CCDC180: variants seen among roughly 807,000 people sequenced by gnomAD.
CCDC180 encodes coiled-coil domain containing 180, also known as coiled-coil domain-containing protein 180.
Under a neutral mutation model 209.2 loss-of-function variants are expected in CCDC180, and 154 were observed. The ratio of observed to expected loss-of-function variants is 0.74; its 90% confidence interval spans 0.65 to 0.84. CCDC180 has a LOEUF of 0.84. Ranked by LOEUF, CCDC180 falls within the 40% of genes least tolerant of loss-of-function variation. The probability of loss-of-function intolerance (pLI) is 0.00; values close to 1 mark genes in which losing one functional copy is unlikely to be tolerated. For missense variants in CCDC180, 1,874 were observed against 1,997.3 expected (o/e 0.94, Z 1.18); for synonymous variants, 778 against 749.1 (o/e 1.04, Z -0.63).
Position 97,366,787 on chromosome 9 carries a change from C to A in CCDC180, c.4189+87C>A. 1 of 1,449,252 alleles carries A rather than the reference C, an allele frequency of 6.9e-7. No individual in the cohort carries two copies. Among genetic ancestry groups the A allele is most frequent in the Admixed American group, 2.3e-5 (1 of 43,138 alleles). The allele number at this position is 1,449,252 out of a possible 1,614,324, so 89.8% of individuals were successfully genotyped here. A position where few individuals can be genotyped will look rare whatever the true frequency, so the allele number is the denominator to read the frequency against. On this transcript the variant is annotated intron_variant, in intron 31 of 36. Coordinates refer to ENST00000529487, the MANE Select transcript of CCDC180 (RefSeq NM_020893.6). This position sits in a 1 kb window ranked among gnomAD's most constrained non-coding sequence, Gnocchi z 4.3. Reference sequence around the variant, plus strand: ...TCGGCCTTGGCCTTGTGGCCTGGATCCTCCCCTCTGGGGGAGGCAGAAGAG... The same window carrying A: ...TCGGCCTTGGCCTTGTGGCCTGGATACTCCCCTCTGGGGGAGGCAGAAGAG...
intron 18 of CCDC180, among the ~76,000 whole-genome samples, chr9:97,342,761 C>T (rs947435702): frequency 2.0e-5 from 3 of 152,210 alleles, no homozygotes; most frequent in Non-Finnish European, 4.4e-5. Flanking sequence ...CTGTTTATTT[C>T]TTCTCTTTTC....
intron 18 of CCDC180, among the ~76,000 whole-genome samples, chr9:97,336,680 T>C (rs1825913086): frequency 6.9e-6 from 1 of 145,268 alleles, no homozygotes; most frequent in Non-Finnish European, 1.5e-5. Context: ...TTTAAAGTAG[T>C]TTTTTCCAAT....
intron 9 of CCDC180, among the ~76,000 whole-genome samples, chr9:97,317,703 C>G (rs1296376722): frequency 1.3e-5 from 2 of 152,164 alleles, no homozygotes; most frequent in African/African-American, 4.8e-5. Flanking sequence ...GAAGAGAGGT[C>G]CCTTGTCCAT....
In CCDC180 at chr9:97,377,000, C is replaced by T. The variant is rs1168296380; in HGVS notation, c.*106C>T. Reference sequence around the variant, plus strand: ...ATCCCTCCCTCCCTTCATCCCTCCACCCCTGCTCTGTGCCGGGCACTGTAG... The same window carrying T: ...ATCCCTCCCTCCCTTCATCCCTCCATCCCTGCTCTGTGCCGGGCACTGTAG... On this transcript the variant is annotated 3_prime_UTR_variant, in exon 37 of 37. Coordinates refer to ENST00000529487, the MANE Select transcript of CCDC180 (RefSeq NM_020893.6). 3.6e-5 allele frequency: 48 copies of T among 1,335,328 alleles called. No individual in the cohort carries two copies. The highest frequency in any genetic ancestry group is 4.6e-5 in the Non-Finnish European group (45 of 981,294). 82.7% of individuals were successfully genotyped at this position (1,335,328 alleles called of 1,614,324 possible). A position where few individuals can be genotyped will look rare whatever the true frequency, so the allele number is the denominator to read the frequency against.
At position 97,366,568 on chromosome 9, in the gene CCDC180, C is replaced by A. The variant is rs145284892; in HGVS notation, c.4057C>A (p.Arg1353Ser). Residue 1353 changes from arginine (R) to serine (S), a missense_variant, in exon 31 of 37, where the codon CGT (arginine) becomes AGT (serine). Physicochemically the swap from Arg to Ser is moderately radical, Grantham distance 110. Transcript: ENST00000529487. The surrounding 1 kb of genome is among the most constrained non-coding windows in gnomAD (Gnocchi z 4.3). ...NLLTVAEEFYRKEKRPVTRPD... is the reference protein window; with the variant it reads ...NLLTVAEEFYSKEKRPVTRPD... The stretch of plus-strand genomic sequence containing the variant: ...TCACCCTCTCTGGCAGGAGTTCTAC[C>A]GTAAAGAAAAACGCCCAGTCACCAG... 2.5e-6 allele frequency: 4 copies of A among 1,614,030 alleles called. No individual in the cohort carries two copies. In the South Asian group the frequency reaches 4.4e-5, roughly 18 times the overall value.
intron 20 of CCDC180, among the ~76,000 whole-genome samples, chr9:97,348,305 G>A (rs1034550564): frequency 1.3e-5 from 2 of 152,154 alleles, no homozygotes; most frequent in African/African-American, 2.4e-5. Flanking sequence ...GAATCCCAGC[G>A]TTTGTGGGCT....
chr9:97,326,506 G>A (rs1236448732), intron 14 of CCDC180, 48 bp from the exon 15 acceptor site: 3 of 1,108,216 alleles, frequency 2.7e-6, no homozygotes, highest in South Asian at 1.2e-5. Flanking sequence ...CACTCTGTGA[G>A]CACTGGAGGT....
chr9:97,331,030 A>G (rs1251275170), intron 18 of CCDC180, among the ~76,000 whole-genome samples: 1 of 151,142 alleles, frequency 6.6e-6, no homozygotes, highest in Admixed American at 6.6e-5. Flanking sequence ...GCTAATAAGC[A>G]TAGTACCCAA....
Position 97,307,816 on chromosome 9 carries a change from A to G in CCDC180, c.-82+10A>G. 6.2e-7 allele frequency: 1 copy of G among 1,614,106 alleles called. No homozygotes were observed. Among genetic ancestry groups the G allele is most frequent in the Non-Finnish European group, 8.5e-7 (1 of 1,179,996 alleles). Reference sequence around the variant, plus strand: ...TCAGAGCTCATCTGAGGTTAGTTTCATCGTTTCGTTGAAAGTTAAAACCCT... The same window carrying G: ...TCAGAGCTCATCTGAGGTTAGTTTCGTCGTTTCGTTGAAAGTTAAAACCCT... On this transcript the variant is annotated intron_variant, in intron 1 of 36. Transcript: ENST00000529487.
chr9:97,350,187 A>T (rs1331223046), intron 21 of CCDC180, among the ~76,000 whole-genome samples: 1 of 141,966 alleles, frequency 7.0e-6, no homozygotes, highest in Admixed American at 7.1e-5. Context: ...CTGGTCACCC[A>T]TCAGCGTTGT....
At chr9:97,308,856 A>C (rs1360290739) in intron 2 of CCDC180, among the ~76,000 whole-genome samples, 1 of 152,220 alleles carries the variant, frequency 6.6e-6, no homozygotes, top group South Asian at 2.1e-4. Context: ...CTCTAAGGCC[A>C]TTCTTAACTC....
chr9:97,337,226 A>T (rs1423633510), intron 18 of CCDC180, among the ~76,000 whole-genome samples: 2 of 152,166 alleles, frequency 1.3e-5, no homozygotes, highest in African/African-American at 4.8e-5. Flanking sequence ...GAGAGAGGGC[A>T]TCCCTGTCTT....
At chr9:97,353,555 G>A (rs1826482737) in intron 22 of CCDC180, among the ~76,000 whole-genome samples, 1 of 152,078 alleles carries the variant, frequency 6.6e-6, no homozygotes, top group Admixed American at 6.6e-5. Flanking sequence ...GACTTTATGG[G>A]TGGCATTCTT....
chr9:97,342,828 G>A (rs1346287710), intron 18 of CCDC180, among the ~76,000 whole-genome samples: 6 of 152,124 alleles, frequency 3.9e-5, no homozygotes, highest in Non-Finnish European at 7.4e-5. Context: ...TTGAGTGCAG[G>A]GAAGTAACTC....
intron 22 of CCDC180, among the ~76,000 whole-genome samples, chr9:97,352,686 G>T (rs765269438): frequency 6.6e-6 from 1 of 152,076 alleles, no homozygotes; most frequent in Non-Finnish European, 1.5e-5. Context: ...AGATTTTTCT[G>T]ATTATAAAAA....
rs1440316708 is a variant in CCDC180, at chr9:97,364,073, A to G, written c.3925A>G (p.Asn1309Asp). 8.1e-6 allele frequency: 13 copies of G among 1,614,094 alleles called. No individual in the cohort carries two copies. The highest frequency in any genetic ancestry group is 1.1e-5 in the Non-Finnish European group (13 of 1,179,984). Residue 1309 changes from asparagine to aspartate, a missense_variant, in exon 29 of 37, where the codon AAC (asparagine) becomes GAC (aspartate). Physicochemically the swap from Asn to Asp is conservative, Grantham distance 23. Transcript: ENST00000529487. ...AGSFTPHPKPNKMERKYRVLG... is the reference protein window; with the variant it reads ...AGSFTPHPKPDKMERKYRVLG... ...CAGCTTCACACCGCACCCCAAGCCC[A>G]ACAAAATGGAGAGAAAGTACCGGGT...
intron 18 of CCDC180, among the ~76,000 whole-genome samples, chr9:97,336,673 A>G (rs1825912932): frequency 6.6e-6 from 1 of 151,766 alleles, no homozygotes; most frequent in Non-Finnish European, 1.5e-5. Flanking sequence ...TATAGACTTT[A>G]AAGTAGTTTT....
rs188996886 is a variant in CCDC180, at chr9:97,363,737, T to C, written c.3903-314T>C. ...ACCCTACCTGTGGCTCAATGTTTTTTTTTCTTTGGGTCCTCATCACGGGGA... is the reference window on the plus strand; with the variant it reads ...ACCCTACCTGTGGCTCAATGTTTTTCTTTCTTTGGGTCCTCATCACGGGGA... On this transcript the variant is annotated intron_variant, in intron 28 of 36. Transcript: ENST00000529487. 1.9e-4 allele frequency: 98 copies of C among 520,992 alleles called. No homozygotes were observed. In the East Asian group the frequency reaches 4.0e-3, roughly 21 times the overall value. The allele number at this position is 520,992 out of a possible 1,614,324, so 32.3% of individuals were successfully genotyped here. A position where few individuals can be genotyped will look rare whatever the true frequency, so the allele number is the denominator to read the frequency against.
chr9:97,355,124 C>G, intron 24 of CCDC180, 116 bp downstream of exon 24: 1 of 681,974 alleles, frequency 1.5e-6, no homozygotes, highest in South Asian at 1.8e-5. Flanking sequence ...GACTTGCTCT[C>G]CAGCCAGGAA....
Sources: allele counts gnomAD v4.1 joint callset (sites outside exome capture counted in the v4.1 genomes callset), GRCh38; gene constraint gnomAD v4.1.1; non-coding constraint Gnocchi (gnomAD v3.1); transcripts MANE v1.5; gene names NCBI Gene and HGNC (gene_info 2026-07-23, HGNC 2026-07-21).